AGBL1: variants seen among roughly 807,000 people sequenced by gnomAD.
AGBL1 encodes AGBL carboxypeptidase 1, also known as cytosolic carboxypeptidase 4.
A neutral mutation model predicts 118.9 loss-of-function variants in AGBL1; 130 were observed. The observed-to-expected ratio is 1.09, with a 90% confidence interval of 0.95 to 1.26. AGBL1 has a LOEUF of 1.26. AGBL1 is among the 50% of genes most tolerant of loss of function. The probability of loss-of-function intolerance (pLI) is 0.00; values close to 1 mark genes in which losing one functional copy is unlikely to be tolerated. For synonymous variants in AGBL1, 555 were observed against 478.9 expected, an observed-to-expected ratio of 1.16 and a Z score of -2.08; for missense variants, 1,584 against 1,298.1, an observed-to-expected ratio of 1.22 and a Z score of -3.38.
chr15:86,582,627 A>G (rs1261461467), intron 21 of AGBL1, among the ~76,000 whole-genome samples: 2 of 152,160 alleles, frequency 1.3e-5, no homozygotes, highest in African/African-American at 4.8e-5. Context: ...TCCAACAATG[A>G]TAGACTGGAT....
intron 1 of AGBL1, among the ~76,000 whole-genome samples, chr15:86,092,141 A>G (rs1204966453): frequency 2.6e-5 from 4 of 152,142 alleles, no homozygotes; most frequent in African/African-American, 4.8e-5. Flanking sequence ...CCCAGATATG[A>G]AGAATCACAT....
intron 18 of AGBL1, among the ~76,000 whole-genome samples, chr15:86,413,651 G>A (rs139932313): frequency 9.7e-4 from 147 of 152,166 alleles, no homozygotes; most frequent in Non-Finnish European, 1.8e-3. Flanking sequence ...TTAGGTGCTT[G>A]TGGGACATTT....
At chr15:86,469,714 T>A (rs998030039) in intron 18 of AGBL1, among the ~76,000 whole-genome samples, 1 of 152,178 alleles carries the variant, frequency 6.6e-6, no homozygotes, top group Non-Finnish European at 1.5e-5. Flanking sequence ...AAAGGGTATT[T>A]TTCCTTACAC....
chr15:86,175,320 A>C (rs1237704465), intron 5 of AGBL1, among the ~76,000 whole-genome samples: 2 of 152,030 alleles, frequency 1.3e-5, no homozygotes, highest in African/African-American at 2.4e-5. Context: ...TCATAATAGC[A>C]TCTAATTATT....
At chr15:86,903,797 T>C (rs2080243873) in intron 22 of AGBL1, among the ~76,000 whole-genome samples, 1 of 152,176 alleles carries the variant, frequency 6.6e-6, no homozygotes, top group Non-Finnish European at 1.5e-5. Flanking sequence ...ACCAGGACTT[T>C]GCTGATCCCT....
chr15:86,800,151 A>T (rs563887025), intron 22 of AGBL1, among the ~76,000 whole-genome samples: 4 of 152,218 alleles, frequency 2.6e-5, no homozygotes, highest in South Asian at 4.2e-4. Context: ...AAATAATTAG[A>T]ACCAGATCAT....
intron 17 of AGBL1, among the ~76,000 whole-genome samples, chr15:86,383,245 T>C (rs1422395096): frequency 5.3e-5 from 2 of 37,976 alleles, no homozygotes; most frequent in Admixed American, 5.4e-4. Flanking sequence ...GCATTCAGTA[T>C]GTAAAAAAAA....
At chr15:86,250,054 A>G (rs1397209716) in intron 7 of AGBL1, among the ~76,000 whole-genome samples, 1 of 152,168 alleles carries the variant, frequency 6.6e-6, no homozygotes, top group Non-Finnish European at 1.5e-5. Flanking sequence ...AGCTCATGTT[A>G]TAATCTCTGC....
chr15:86,698,692 A>G (rs1352648827), intron 22 of AGBL1, among the ~76,000 whole-genome samples: 1 of 151,124 alleles, frequency 6.6e-6, no homozygotes, highest in Non-Finnish European at 1.5e-5. Context: ...GCTCAATCCC[A>G]CTATCCTACT....
At chr15:86,887,905 AATG>A (rs1490358887) in intron 22 of AGBL1, among the ~76,000 whole-genome samples, 1 of 152,138 alleles carries the variant, frequency 6.6e-6, no homozygotes, top group Non-Finnish European at 1.5e-5. Context: ...ATAGATTCAT[AATG>A]ATGTGTATAA....
chr15:86,170,411 A>G (rs1419303112), intron 5 of AGBL1, among the ~76,000 whole-genome samples: 1 of 152,170 alleles, frequency 6.6e-6, no homozygotes, highest in Non-Finnish European at 1.5e-5. Context: ...TGGGGAGAGG[A>G]GAAATAGGTA....
chr15:86,749,939 G>A (rs144242165), intron 22 of AGBL1, among the ~76,000 whole-genome samples: 2,824 of 152,216 alleles, frequency 0.019, 39 homozygotes, highest in Non-Finnish European at 0.031. Context: ...TTTTTGCAAC[G>A]ATATTCATCA....
In AGBL1 at chr15:86,295,422, G is replaced by T; in HGVS notation, c.2374+14G>T. ...TAGAGCAGTTCCGTGAGTAAAATGG[G>T]ATCCTCTTCGTAGAAGATTTGACTA... On this transcript the variant is annotated intron_variant, in intron 17 of 22. Coordinates refer to ENST00000614907, the MANE Select transcript of AGBL1 (RefSeq NM_001386094.1). 3.2e-6 allele frequency: 5 copies of T among 1,539,800 alleles called. No homozygotes were observed. The highest frequency in any genetic ancestry group is 4.4e-6 in the Non-Finnish European group (5 of 1,146,616).
At chr15:86,828,793 A>C (rs987008285) in intron 22 of AGBL1, among the ~76,000 whole-genome samples, 12 of 151,938 alleles carry the variant, frequency 7.9e-5, no homozygotes, top group African/African-American at 1.5e-4. Context: ...GGAATATGCC[A>C]TTAGTATCAG....
At chr15:86,270,141 G>A (rs901390604) in intron 14 of AGBL1, 74 bp downstream of exon 14, 24 of 1,524,844 alleles carry the variant, frequency 1.6e-5, no homozygotes, top group African/African-American at 2.8e-5. Context: ...TGGATTCAAA[G>A]AGCCTTTGCT....
chr15:86,856,558 T>C (rs140751928), intron 22 of AGBL1, among the ~76,000 whole-genome samples: 4 of 152,370 alleles, frequency 2.6e-5, no homozygotes, highest in African/African-American at 9.6e-5. Flanking sequence ...CAGAAACAGA[T>C]ACATTTCTGG....
chr15:86,328,646 G>GTC (rs2080223658), intron 17 of AGBL1, among the ~76,000 whole-genome samples: 1 of 152,140 alleles, frequency 6.6e-6, no homozygotes, highest in Admixed American at 6.5e-5. Context: ...CTGTGACAGT[G>GTC]TCTATCTCAT....
At chr15:87,007,491 C>A (rs2081516901) in intron 24 of AGBL1, among the ~76,000 whole-genome samples, 1 of 152,104 alleles carries the variant, frequency 6.6e-6, no homozygotes, top group Non-Finnish European at 1.5e-5. Flanking sequence ...TTTCTGATTT[C>A]TTTACAAAAC....
intron 17 of AGBL1, among the ~76,000 whole-genome samples, chr15:86,384,433 G>A (rs1204634005): frequency 1.3e-5 from 2 of 152,034 alleles, no homozygotes; most frequent in Admixed American, 6.6e-5. Context: ...TTCCTGATGC[G>A]ATTACACACT....
Sources: gnomAD v4.1 joint callset for allele counts (sites outside exome capture counted in the v4.1 genomes callset) on GRCh38, gnomAD v4.1.1 for gene constraint, MANE v1.5 for transcripts, NCBI Gene and HGNC (gene_info 2026-07-23, HGNC 2026-07-21) for gene names.